Variants in MAP3K15 observed in about 807,000 individuals in gnomAD.
The protein encoded by MAP3K15 is MAPK/ERK kinase kinase 15.
Under a neutral mutation model 99.5 loss-of-function variants are expected in MAP3K15, and 124 were observed. The observed-to-expected ratio is 1.25, with a 90% CI of 1.08 to 1.45. The LOEUF is 1.45. Among genes scored for constraint, MAP3K15 ranks in the 40% most tolerant of loss-of-function variants. The pLI is 0.00. For missense variants in MAP3K15, 1,242 were observed against 1,079.7 expected, an observed-to-expected ratio of 1.15 and a Z score of -2.11; for synonymous variants, 494 against 439.6, an observed-to-expected ratio of 1.12 and a Z score of -1.55.
intron 4 of MAP3K15, among the ~76,000 whole-genome samples, chrX:19,461,128 C>T (rs929993174): frequency 8.9e-5 from 10 of 112,205 alleles, no homozygotes; most frequent in Non-Finnish European, 1.9e-4. Context: ...CATAGGCGCC[C>T]GCCACCATGC....
At chrX:19,417,332 G>A (rs971790650) in intron 9 of MAP3K15, among the ~76,000 whole-genome samples, 2 of 112,033 alleles carry the variant, frequency 1.8e-5, no homozygotes, top group Non-Finnish European at 3.8e-5. Flanking sequence ...TGGAAAATCG[G>A]GTCGCTCCCA....
At chrX:19,399,581 A>G (rs942379216) in intron 14 of MAP3K15, among the ~76,000 whole-genome samples, 1 of 106,835 alleles carries the variant, frequency 9.4e-6, no homozygotes, top group East Asian at 2.9e-4. Flanking sequence ...ATAAAATACA[A>G]AAATTAGCCA....
intron 6 of MAP3K15, among the ~76,000 whole-genome samples, chrX:19,436,693 C>G (rs908627066): frequency 9.0e-6 from 1 of 111,142 alleles, no homozygotes; most frequent in Non-Finnish European, 1.9e-5. Flanking sequence ...TTTTGTCCCC[C>G]TCAGACAGAG....
chrX:19,363,583 T>C (rs1227144104), intron 25 of MAP3K15, among the ~76,000 whole-genome samples: 2 of 111,382 alleles, frequency 1.8e-5, no homozygotes, highest in Non-Finnish European at 3.8e-5. Flanking sequence ...TAGAATAGAA[T>C]GGTAAGTTTC....
intron 6 of MAP3K15, among the ~76,000 whole-genome samples, chrX:19,447,229 C>T (rs778586430): frequency 5.4e-5 from 6 of 111,790 alleles, no homozygotes; most frequent in Admixed American, 1.9e-4. Context: ...TCCACTTCTA[C>T]TAATTCCTGG....
chrX:19,450,046 A>G (rs2064026491), intron 6 of MAP3K15, among the ~76,000 whole-genome samples: 1 of 109,627 alleles, frequency 9.1e-6, no homozygotes, highest in African/African-American at 3.3e-5. Flanking sequence ...GGTAGATGTC[A>G]GTATCACATT....
At chrX:19,500,468 T>C (rs2147421974) in intron 1 of MAP3K15, among the ~76,000 whole-genome samples, 1 of 110,775 alleles carries the variant, frequency 9.0e-6, no homozygotes, top group African/African-American at 3.3e-5. Flanking sequence ...CCTATCTGTG[T>C]CCAGTTCTGC....
rs1015258309 is a variant in MAP3K15 at position 19,368,113 on chromosome X, A to G, written c.3566+941T>C. On this transcript the variant is annotated intron_variant, in intron 25 of 28. Coordinates refer to ENST00000338883, the MANE Select transcript of MAP3K15 (RefSeq NM_001001671.4). ...ATGTGACTTCCCAGAGCAAACAGGA[A>G]TAATTTTATTCATTTCACAAATATT... Among the ~76,000 whole-genome samples, 76 of 110,590 alleles carry G rather than the reference A, an allele frequency of 6.9e-4. 1 individual carries two copies. Among genetic ancestry groups the G allele is most frequent in the African/African-American group, 2.3e-3 (69 of 30,391 alleles).
At chrX:19,513,039 C>G (rs1299038962) in intron 1 of MAP3K15, among the ~76,000 whole-genome samples, 2 of 111,436 alleles carry the variant, frequency 1.8e-5, no homozygotes, top group Non-Finnish European at 3.8e-5. Context: ...TCTCAAACCT[C>G]TGAAAGCAAT....
chrX:19,415,782 C>A (rs1396939841), intron 9 of MAP3K15, among the ~76,000 whole-genome samples: 1 of 111,384 alleles, frequency 9.0e-6, no homozygotes, highest in Non-Finnish European at 1.9e-5. Context: ...AGGTACTGGT[C>A]CATTTTATCA....
In MAP3K15 at chrX:19,392,490, C is replaced by CA. The variant is rs1430258448; in HGVS notation, c.2195-18dup. The CA allele has an allele frequency of 3.4e-6, 4 of 1,192,464 alleles. No homozygotes were observed. The highest frequency in any genetic ancestry group is 3.4e-6 in the Non-Finnish European group (3 of 888,451). On this transcript the variant is annotated splice_polypyrimidine_tract_variant and intron_variant, in intron 16 of 28. Transcript: ENST00000338883. ...AAAGGCTTCCTAGAGACAGTCACAG[C>CA]AAAAAACTTATCAGGAAGAGAAAGT...
intron 15 of MAP3K15, 132 bp from the exon 16 acceptor site, chrX:19,395,340 T>C: frequency 3.1e-6 from 2 of 644,324 alleles, no homozygotes; most frequent in Non-Finnish European, 4.7e-6. Context: ...CTGGCTTCCA[T>C]GAAACTATTC....
chrX:19,465,653 C>T (rs1293374934), intron 3 of MAP3K15, among the ~76,000 whole-genome samples: 2 of 109,507 alleles, frequency 1.8e-5, no homozygotes, highest in South Asian at 8.0e-4. Flanking sequence ...ACTCAGGAGG[C>T]TGAGGCAGGA....
At chrX:19,428,271 C>T (rs1231822945) in intron 7 of MAP3K15, among the ~76,000 whole-genome samples, 1 of 111,950 alleles carries the variant, frequency 8.9e-6, no homozygotes, top group Non-Finnish European at 1.9e-5. Context: ...TCTGCACCTA[C>T]CGCCACCACC....
intron 6 of MAP3K15, among the ~76,000 whole-genome samples, chrX:19,440,237 C>A (rs935076889): frequency 8.9e-6 from 1 of 111,983 alleles, no homozygotes; most frequent in Non-Finnish European, 1.9e-5. Context: ...CTCATCATTT[C>A]CGATTGGTTT....
chrX:19,478,759 GTT>G (rs59953517), intron 3 of MAP3K15, among the ~76,000 whole-genome samples: 3,221 of 100,129 alleles, frequency 0.032, 115 homozygotes, highest in African/African-American at 0.1. Context: ...TTTTAATAAG[GTT>G]TTTTTTTTTT....
intron 25 of MAP3K15, among the ~76,000 whole-genome samples, chrX:19,363,734 C>T (rs2063314893): frequency 1.8e-5 from 2 of 108,932 alleles, no homozygotes; most frequent in South Asian, 7.9e-4. Context: ...CTCACTGCAA[C>T]CTCCGCCTCC....
chrX:19,364,050 CT>C (rs1429950046), intron 25 of MAP3K15, among the ~76,000 whole-genome samples: 4 of 112,056 alleles, frequency 3.6e-5, no homozygotes, highest in Non-Finnish European at 5.6e-5. Flanking sequence ...CCACCAAGCA[CT>C]TCCTACCCAG....
chrX:19,472,058 T>C (rs1007580608), intron 3 of MAP3K15, among the ~76,000 whole-genome samples: 1 of 109,687 alleles, frequency 9.1e-6, no homozygotes, highest in Non-Finnish European at 1.9e-5. Context: ...CCATCTCTAC[T>C]AAAAAAATAC....
Sources: allele counts gnomAD v4.1 joint callset (sites outside exome capture counted in the v4.1 genomes callset), GRCh38; gene constraint gnomAD v4.1.1; transcripts MANE v1.5; gene names NCBI Gene and HGNC (gene_info 2026-07-23, HGNC 2026-07-21).